PGAM1: variants seen among roughly 807,000 people sequenced by gnomAD.
PGAM1 encodes BPG-dependent PGAM 1.
In PGAM1, 21 loss-of-function variants were observed where a neutral mutation model predicts 23.5. That is an observed-to-expected ratio of 0.89 (90% confidence interval 0.63 to 1.29). The LOEUF is 1.29. PGAM1 is among the 50% of genes most tolerant of loss of function. PGAM1 has a pLI of 0.00. For synonymous variants in PGAM1, 109 were observed against 128.6 expected, an observed-to-expected ratio of 0.85 and a Z score of 1.03; for missense variants, 232 against 336.3, an observed-to-expected ratio of 0.69 and a Z score of 2.42.
intron 1 of PGAM1, among the ~76,000 whole-genome samples, chr10:97,428,110 A>G (rs985585836): frequency 6.6e-6 from 1 of 152,220 alleles, no homozygotes; most frequent in Admixed American, 6.5e-5. Flanking sequence ...TGACTAGTCC[A>G]CGTTAAACCA....
intron 1 of PGAM1, among the ~76,000 whole-genome samples, chr10:97,429,092 C>CTTTTTT (rs888329236): frequency 8.4e-4 from 71 of 84,754 alleles, no homozygotes; most frequent in African/African-American, 1.1e-3. Context: ...AGACTGATTC[C>CTTTTTT]TTTTTTTTTT....
intron 2 of PGAM1, 71 bp from the exon 3 acceptor site, chr10:97,430,884 C>T (rs1845463220): frequency 3.8e-6 from 6 of 1,590,308 alleles, no homozygotes; most frequent in African/African-American, 1.3e-5. Flanking sequence ...GGGCCAAAAT[C>T]GATACATCAT....
intron 2 of PGAM1, 109 bp downstream of exon 2, chr10:97,430,762 C>T (rs1237041790): frequency 2.0e-5 from 30 of 1,529,458 alleles, no homozygotes; most frequent in Non-Finnish European, 9.0e-7. Context: ...TAATTGTAAT[C>T]CTTCCTTCTC....
At chr10:97,432,213 G>C in intron 3 of PGAM1, 142 bp from the exon 4 acceptor site, 2 of 1,159,312 alleles carry the variant, frequency 1.7e-6, no homozygotes, top group Non-Finnish European at 2.6e-6. Flanking sequence ...CCATTCCCTG[G>C]GTTCAGAACT....
At chr10:97,428,280 A>C (rs1438919995) in intron 1 of PGAM1, among the ~76,000 whole-genome samples, 3 of 152,218 alleles carry the variant, frequency 2.0e-5, no homozygotes, top group Admixed American at 6.5e-5. Context: ...ATACATATAT[A>C]TAAATAATTC....
intron 1 of PGAM1, among the ~76,000 whole-genome samples, chr10:97,429,923 G>A (rs1353411994): frequency 6.6e-6 from 1 of 151,754 alleles, no homozygotes; most frequent in Non-Finnish European, 1.5e-5. Flanking sequence ...GCGTGCGCCT[G>A]TATCCTCAGC....
At position 97,426,315 on chromosome 10, in the gene PGAM1, C is replaced by G; in HGVS notation, c.8C>G (p.Ala3Gly). 2.5e-6 allele frequency: 4 copies of G among 1,610,512 alleles called. No homozygotes were observed. The highest frequency in any genetic ancestry group is 4.4e-4 in the Middle Eastern group (2 of 4,548). The change falls in exon 1 of 4, where the codon GCC (alanine) becomes GGC (glycine). Residue 3 changes from alanine (A) to glycine (G), a missense_variant. Ala to Gly is a moderately conservative substitution (Grantham distance 60). This residue lies in a region of PGAM1 where 38 missense variants were observed against 77.1 expected (regional missense o/e 0.49). Transcript: ENST00000334828. ...CATCCCCAGCCCGCCGCCATGGCCG[C>G]CTACAAACTGGTGCTGATCCGGCAC... MA[A>G]YKLVLIRHGE...
intron 3 of PGAM1, 130 bp downstream of exon 3, chr10:97,431,265 C>T (rs1458525707): frequency 2.5e-5 from 28 of 1,106,204 alleles, no homozygotes; most frequent in Non-Finnish European, 3.6e-5. Context: ...TCTAGATTGA[C>T]TTCTAGTGAA....
intron 1 of PGAM1, among the ~76,000 whole-genome samples, chr10:97,429,399 G>T (rs72833962): frequency 6.6e-6 from 1 of 152,218 alleles, no homozygotes; most frequent in Admixed American, 6.5e-5. Context: ...CCACCGTGCC[G>T]GGCCAAGACT....
In PGAM1 at chr10:97,430,038, C is replaced by T. The variant is rs573092512; in HGVS notation, c.140-341C>T. ...TCCAGCCTGGGTGACAGTGAGACTC[C>T]GTCTCAAAAAAAAAAAAAAAAAAAG... is the stretch of plus-strand genomic sequence containing the variant. On this transcript the variant is annotated intron_variant, in intron 1 of 3. Coordinates refer to ENST00000334828, the MANE Select transcript of PGAM1 (RefSeq NM_002629.4). Among the ~76,000 whole-genome samples, 21 of 135,638 alleles carry T rather than the reference C, an allele frequency of 1.5e-4. No individual in the cohort carries two copies. The South Asian group carries it at 3.5e-3, about 23-fold the overall frequency. 89.0% of individuals were successfully genotyped at this position (135,638 alleles called of 152,430 possible).
In PGAM1 at chr10:97,426,452, G is replaced by A. The variant is rs754194934; in HGVS notation, c.139+6G>A. On this transcript the variant is annotated splice_donor_region_variant and intron_variant, in intron 1 of 3. Transcript: ENST00000334828. ...CGGCGGGCAGGCGCTACGAGGTGCGGAGGGGCCGGGTGTGGGCTGCGAAGG... is the reference window on the plus strand; with the variant it reads ...CGGCGGGCAGGCGCTACGAGGTGCGAAGGGGCCGGGTGTGGGCTGCGAAGG... The A allele has an allele frequency of 1.3e-6, 2 of 1,593,040 alleles. No individual in the cohort carries two copies. The highest frequency in any genetic ancestry group is 1.7e-6 in the Non-Finnish European group (2 of 1,170,532).
intron 3 of PGAM1, 71 bp from the exon 4 acceptor site, chr10:97,432,284 A>C: frequency 6.3e-7 from 1 of 1,592,414 alleles, no homozygotes; most frequent in Non-Finnish European, 8.6e-7. Flanking sequence ...TATCACCTGG[A>C]GGACAAAGTA....
chr10:97,430,839 A>G lies in PGAM1; in HGVS notation c.415-116A>G, dbSNP rs146975468. The stretch of plus-strand genomic sequence containing the variant: ...TTACTATCTCCTTTTTTGTGTTTCC[A>G]TAGTCAGATTTTATAAAACCCTGTG... On this transcript the variant is annotated intron_variant, in intron 2 of 3. Coordinates refer to ENST00000334828, the MANE Select transcript of PGAM1 (RefSeq NM_002629.4). 160 of 1,510,110 alleles carry G rather than the reference A, an allele frequency of 1.1e-4. 1 individual carries two copies. In the Middle Eastern group the frequency reaches 1.9e-3, roughly 18 times the overall value. The allele number at this position is 1,510,110 out of a possible 1,614,324, so 93.5% of individuals were successfully genotyped here. A position where few individuals can be genotyped will look rare whatever the true frequency, so the allele number is the denominator to read the frequency against.
chr10:97,427,244 C>A, intron 1 of PGAM1: 1 of 985,398 alleles, frequency 1.0e-6, no homozygotes, highest in South Asian at 4.7e-5. Flanking sequence ...CACACAGCCT[C>A]GTCCCCAGCA....
chr10:97,430,265 C>CT lies in PGAM1; in HGVS notation c.140-108dup, dbSNP rs112283346. ...AACAAAACAGTTGGCCAAATATTTT[C>CT]TTTTTTGGCCAAATATTGTCATTTG... On this transcript the variant is annotated intron_variant, in intron 1 of 3. Transcript: ENST00000334828. 8 of 1,314,190 alleles carry CT rather than the reference C, an allele frequency of 6.1e-6. No homozygotes were observed. In the Admixed American group the frequency reaches 6.8e-5, roughly 11 times the overall value. 81.4% of individuals were successfully genotyped at this position (1,314,190 alleles called of 1,614,324 possible).
rs1206526556 is a variant in PGAM1, at chr10:97,426,298, G to A, written c.-10G>A. 2.5e-6 allele frequency: 4 copies of A among 1,610,002 alleles called. No individual in the cohort carries two copies. The highest frequency in any genetic ancestry group is 3.4e-6 in the Non-Finnish European group (4 of 1,179,230). On this transcript the variant is annotated 5_prime_UTR_variant, in exon 1 of 4. Transcript: ENST00000334828. ...AATCCCAGTCGGTGCCGCATCCCCA[G>A]CCCGCCGCCATGGCCGCCTACAAAC...
chr10:97,430,741 G>C, intron 2 of PGAM1, 88 bp downstream of exon 2: 1 of 1,575,360 alleles, frequency 6.3e-7, no homozygotes. Context: ...TACAATTCAT[G>C]ATAAAATAGT....
intron 3 of PGAM1, among the ~76,000 whole-genome samples, chr10:97,431,795 G>C (rs143821040): frequency 1.1e-3 from 168 of 152,110 alleles, no homozygotes; most frequent in African/African-American, 3.9e-3. Flanking sequence ...AGGCTGAGGC[G>C]GGAGATCGCT....
At chr10:97,427,437 G>A (rs1845422825) in intron 1 of PGAM1, 1 of 1,022,826 alleles carries the variant, frequency 9.8e-7, no homozygotes, top group Non-Finnish European at 1.2e-6. Flanking sequence ...AAGTAGATAA[G>A]ATTTTATCTT....
Sources: gnomAD v4.1 joint callset for allele counts (sites outside exome capture counted in the v4.1 genomes callset) on GRCh38, gnomAD v4.1.1 for gene constraint, gnomAD v4.1.1 regional missense constraint, MANE v1.5 for transcripts, NCBI Gene and HGNC (gene_info 2026-07-23, HGNC 2026-07-21) for gene names.